LDLRAD4: variants seen among roughly 807,000 people sequenced by gnomAD.
The protein encoded by LDLRAD4 is low-density lipoprotein receptor class A domain-containing protein 4.
Under a neutral mutation model 17.0 loss-of-function variants are expected in LDLRAD4, and 5 were observed. That is an observed-to-expected ratio of 0.29 (90% CI 0.15 to 0.62). LDLRAD4 has a LOEUF of 0.62. LDLRAD4 is among the 20% of genes least tolerant of loss of function. The probability of loss-of-function intolerance (pLI) is 0.84; values close to 1 mark genes in which losing one functional copy is unlikely to be tolerated. For missense variants in LDLRAD4, 340 were observed against 424.7 expected (o/e 0.80, Z 1.75); for synonymous variants, 168 against 171.8 (o/e 0.98, Z 0.17).
At chr18:13,288,395 G>C (rs1190944662) in intron 1 of LDLRAD4, among the ~76,000 whole-genome samples, 1 of 152,166 alleles carries the variant, frequency 6.6e-6, no homozygotes, top group Non-Finnish European at 1.5e-5. Context: ...CCATATTAGA[G>C]TTGTTTATAT....
intron 1 of LDLRAD4, among the ~76,000 whole-genome samples, chr18:13,375,280 C>A (rs1322267836): frequency 6.6e-6 from 1 of 152,178 alleles, no homozygotes; most frequent in Non-Finnish European, 1.5e-5. Context: ...CTTGAAAATG[C>A]CAGTCATTCC....
rs1212359836 is a variant in LDLRAD4, at chr18:13,426,865, G to A, written c.41-11379G>A. On this transcript the variant is annotated intron_variant, in intron 2 of 5. Coordinates refer to ENST00000359446, the Ensembl canonical transcript of LDLRAD4. Reference sequence around the variant, plus strand: ...GAACATGGGTGTTTATGTAGCCCACGCCCTATGAGGTCAGTGAGGTTTGAG... The same window carrying A: ...GAACATGGGTGTTTATGTAGCCCACACCCTATGAGGTCAGTGAGGTTTGAG... Among the ~76,000 whole-genome samples the A allele has an allele frequency of 3.3e-5, 5 of 152,278 alleles. No individual in the cohort carries two copies. In the East Asian group the frequency reaches 7.7e-4, roughly 23 times the overall value.
chr18:13,423,570 C>T (rs1279922044), intron 2 of LDLRAD4: 2 of 152,532 alleles, frequency 1.3e-5, no homozygotes, highest in South Asian at 2.1e-4. Context: ...CTTCCAGTAC[C>T]GTACCTGGGA....
intron 3 of LDLRAD4, among the ~76,000 whole-genome samples, chr18:13,459,155 A>G (rs1406435502): frequency 1.9e-5 from 2 of 103,058 alleles, no homozygotes; most frequent in Non-Finnish European, 3.7e-5. Flanking sequence ...CTCCATCTCT[A>G]CACCAAAAAA....
At chr18:13,505,288 G>A (rs919825986) in intron 3 of LDLRAD4, among the ~76,000 whole-genome samples, 2 of 152,212 alleles carry the variant, frequency 1.3e-5, no homozygotes, top group South Asian at 2.1e-4. Context: ...ATGATACTGC[G>A]TATCTAATGC....
chr18:13,369,483 G>A (rs2084301752), intron 1 of LDLRAD4, among the ~76,000 whole-genome samples: 1 of 152,154 alleles, frequency 6.6e-6, no homozygotes, highest in Admixed American at 6.5e-5. Flanking sequence ...GTCTGCTGGT[G>A]TACTCAGGAT....
At chr18:13,226,180 C>CTTTTTTTTTTTTTTTTTGT (rs2041786040) in intron 1 of LDLRAD4, among the ~76,000 whole-genome samples, 1 of 52,188 alleles carries the variant, frequency 1.9e-5, no homozygotes. Context: ...CCATGCCTTG[C>CTTTTTTTTTTTTTTTTTGT]TTTTTTTTTT....
intron 3 of LDLRAD4, among the ~76,000 whole-genome samples, chr18:13,525,063 G>C (rs1439984040): frequency 6.6e-6 from 1 of 152,158 alleles, no homozygotes; most frequent in Non-Finnish European, 1.5e-5. Flanking sequence ...GCGTGCTTGC[G>C]GGCAGGCACA....
At chr18:13,379,592 G>C (rs749225180) in intron 1 of LDLRAD4, among the ~76,000 whole-genome samples, 45 of 152,314 alleles carry the variant, frequency 3.0e-4, no homozygotes, top group Non-Finnish European at 5.9e-4. Context: ...AATAGTGCCT[G>C]CCAGAGTAAT....
Position 13,622,966 on chromosome 18 carries a change from C to T in LDLRAD4, c.336+1695C>T, listed in dbSNP as rs1212372136. Among the ~76,000 whole-genome samples the T allele has an allele frequency of 6.6e-6, 1 of 152,186 alleles. No homozygotes were observed. The highest frequency in any genetic ancestry group is 1.5e-5 in the Non-Finnish European group (1 of 68,026). On this transcript the variant is annotated intron_variant, in intron 4 of 5. Transcript: ENST00000359446. The surrounding 1 kb of genome is among the most constrained non-coding windows in gnomAD (Gnocchi z 5.3). ...CCTGGGCGCTCCCCAGTCTTCCTCCCAGACTTGCCCTGGTGTTGGCTTCTC... is the reference window on the plus strand; with the variant it reads ...CCTGGGCGCTCCCCAGTCTTCCTCCTAGACTTGCCCTGGTGTTGGCTTCTC...
intron 1 of LDLRAD4, among the ~76,000 whole-genome samples, chr18:13,348,798 C>A (rs1195387281): frequency 6.6e-6 from 1 of 152,196 alleles, no homozygotes. Context: ...AGCCTCGCTG[C>A]CACCTTGCAG....
chr18:13,605,572 G>A (rs1318457769), intron 3 of LDLRAD4, among the ~76,000 whole-genome samples: 2 of 152,140 alleles, frequency 1.3e-5, no homozygotes, highest in Admixed American at 6.5e-5. Flanking sequence ...GGACCTTAAC[G>A]ACACTGTTAA....
intron 3 of LDLRAD4, among the ~76,000 whole-genome samples, chr18:13,583,954 C>T (rs1295793849): frequency 6.6e-6 from 1 of 152,138 alleles, no homozygotes; most frequent in South Asian, 2.1e-4. Flanking sequence ...ACAGGCCTGC[C>T]GTGCCCTTCC....
In LDLRAD4 at chr18:13,260,208, G is replaced by A. The variant is rs1414679905; in HGVS notation, c.-466-17897G>A. 3.9e-5 allele frequency among the ~76,000 whole-genome samples: 6 copies of A among 152,186 alleles called. No homozygotes were observed. The South Asian group carries it at 1.0e-3, about 26-fold the overall frequency. On this transcript the variant is annotated intron_variant, in intron 1 of 5. Transcript: ENST00000399848. Reference sequence around the variant, plus strand: ...CATTGCCTTGACCTCCTTATGCCCAGGGGCAGCTGAGTGCCCACTTGCCAA... The same window carrying A: ...CATTGCCTTGACCTCCTTATGCCCAAGGGCAGCTGAGTGCCCACTTGCCAA...
At chr18:13,502,045 C>G (rs532264188) in intron 3 of LDLRAD4, among the ~76,000 whole-genome samples, 1 of 152,342 alleles carries the variant, frequency 6.6e-6, no homozygotes, top group Admixed American at 6.5e-5. Flanking sequence ...AAAGTGACAT[C>G]TTGTGTAACG....
intron 3 of LDLRAD4, among the ~76,000 whole-genome samples, chr18:13,463,402 G>A (rs1040261150): frequency 2.6e-5 from 4 of 152,214 alleles, no homozygotes; most frequent in Non-Finnish European, 5.9e-5. Context: ...GCACCTGCCT[G>A]ACGAAGGGAA....
chr18:13,315,662 T>G (rs1270819982), intron 1 of LDLRAD4, among the ~76,000 whole-genome samples: 2 of 133,836 alleles, frequency 1.5e-5, no homozygotes, highest in African/African-American at 6.1e-5. Context: ...CACACGTCTG[T>G]AATCCCAGCT....
At chr18:13,520,625 G>A (rs1338618157) in intron 3 of LDLRAD4, 1 of 152,196 alleles carries the variant, frequency 6.6e-6, no homozygotes, top group Non-Finnish European at 1.5e-5. Flanking sequence ...GGCCAAGATG[G>A]GAGGGTCTCT....
intron 1 of LDLRAD4, among the ~76,000 whole-genome samples, chr18:13,223,194 C>T (rs78238336): frequency 0.016 from 2,401 of 152,128 alleles, 67 homozygotes; most frequent in African/African-American, 0.055. Context: ...GGGGACTGGA[C>T]GACTGAGTGG....
Sources: allele counts gnomAD v4.1 joint callset (sites outside exome capture counted in the v4.1 genomes callset), GRCh38; gene constraint gnomAD v4.1.1; non-coding constraint Gnocchi (gnomAD v3.1); transcripts MANE v1.5; gene names NCBI Gene and HGNC (gene_info 2026-07-23, HGNC 2026-07-21).